The following TMEM41B variants were observed in gnomAD, a reference collection of about 807,000 sequenced individuals.
TMEM41B encodes protein stasimon.
Under a neutral mutation model 31.9 loss-of-function variants are expected in TMEM41B, and 18 were observed. The ratio of observed to expected loss-of-function variants is 0.56; its 90% CI spans 0.39 to 0.84. TMEM41B has a LOEUF of 0.84. Ranked by LOEUF, TMEM41B falls within the 40% of genes least tolerant of loss-of-function variation. The pLI is 0.00. For missense variants in TMEM41B, 322 were observed against 348.0 expected (o/e 0.93, Z 0.59); for synonymous variants, 144 against 124.3 (o/e 1.16, Z -1.05).
chr11:9,296,392 G>A (rs770026565), intron 2 of TMEM41B, among the ~76,000 whole-genome samples: 4 of 151,750 alleles, frequency 2.6e-5, no homozygotes, highest in African/African-American at 4.8e-5. Flanking sequence ...TTGGGAAGCC[G>A]AGGCGGGTGG....
rs561062233 is a variant in TMEM41B, at chr11:9,302,122, T to C, written c.122-2421A>G. 2.0e-5 allele frequency among the ~76,000 whole-genome samples: 2 copies of C among 98,798 alleles called. 1 individual carries two copies. The allele number at this position is 98,798 out of a possible 152,430, so 64.8% of individuals were successfully genotyped here. A position where few individuals can be genotyped will look rare whatever the true frequency, so the allele number is the denominator to read the frequency against. On this transcript the variant is annotated intron_variant, in intron 1 of 6. Transcript: ENST00000528080. ...CCCGGGTTCACGCCATTCTCCTGCC[T>C]CAGCCTCCCGAGTAGCTAGAACTAC...
chr11:9,287,379 A>G (rs1037092626), intron 5 of TMEM41B, among the ~76,000 whole-genome samples: 1 of 152,212 alleles, frequency 6.6e-6, no homozygotes, highest in African/African-American at 2.4e-5. Flanking sequence ...GATGCACACA[A>G]TACTGCATTA....
intron 1 of TMEM41B, chr11:9,311,150 G>A: frequency 3.8e-6 from 4 of 1,053,056 alleles, no homozygotes; most frequent in Non-Finnish European, 5.2e-6. Context: ...CTCAACAGCA[G>A]GGTGAAGCTC....
At chr11:9,290,780 G>GA (rs1362513392) in intron 3 of TMEM41B, among the ~76,000 whole-genome samples, 11 of 149,718 alleles carry the variant, frequency 7.3e-5, no homozygotes, top group Admixed American at 2.7e-4. Context: ...TGAAATTGGG[G>GA]AAAAAAAAAC....
intron 6 of TMEM41B, among the ~76,000 whole-genome samples, chr11:9,284,925 C>T (rs1852802375): frequency 6.6e-6 from 1 of 152,078 alleles, no homozygotes; most frequent in Non-Finnish European, 1.5e-5. Flanking sequence ...TTGGCCAAAG[C>T]TGAAATTAAC....
intron 1 of TMEM41B, among the ~76,000 whole-genome samples, chr11:9,310,914 G>A (rs1244013519): frequency 6.6e-6 from 1 of 151,902 alleles, no homozygotes; most frequent in Non-Finnish European, 1.5e-5. Context: ...AAAAGATAGA[G>A]GTTTTTCATC....
intron 1 of TMEM41B, among the ~76,000 whole-genome samples, chr11:9,313,208 G>A (rs941023617): frequency 1.3e-5 from 2 of 152,156 alleles, no homozygotes; most frequent in African/African-American, 4.8e-5. Flanking sequence ...TCATTTCTCA[G>A]TTTTTGAAAT....
At position 9,283,288 on chromosome 11, in the gene TMEM41B, TTAAC is replaced by T. The variant is rs1466596788; in HGVS notation, c.*132_*135del. On this transcript the variant is annotated 3_prime_UTR_variant, in exon 7 of 7. Transcript: ENST00000528080. ...CCCCTTGTCACTTAAATGTATTACT[TTAAC>T]TATCTGATAGGAAATTTTATTTTAC... The T allele has an allele frequency of 2.0e-5, 14 of 702,982 alleles. No homozygotes were observed. The highest frequency in any genetic ancestry group is 6.4e-5 in the South Asian group (3 of 46,692). The allele number at this position is 702,982 out of a possible 1,614,324, so 43.5% of individuals were successfully genotyped here. A position where few individuals can be genotyped will look rare whatever the true frequency, so the allele number is the denominator to read the frequency against.
At chr11:9,311,647 G>T in intron 1 of TMEM41B, 2 of 866,088 alleles carry the variant, frequency 2.3e-6, no homozygotes. Context: ...ATGTTGGGTG[G>T]ATATGGATTT....
At chr11:9,304,079 T>C (rs1307689353) in intron 1 of TMEM41B, among the ~76,000 whole-genome samples, 1 of 152,202 alleles carries the variant, frequency 6.6e-6, no homozygotes, top group African/African-American at 2.4e-5. Context: ...AGGATAATAA[T>C]ATAGTACAAA....
intron 1 of TMEM41B, chr11:9,311,599 G>T: frequency 9.6e-7 from 1 of 1,039,330 alleles, no homozygotes; most frequent in Non-Finnish European, 1.4e-6. Flanking sequence ...GGGTTGATAG[G>T]TGGTGAGTGG....
intron 3 of TMEM41B, among the ~76,000 whole-genome samples, chr11:9,288,814 AT>A (rs1189167854): frequency 6.6e-6 from 1 of 152,164 alleles, no homozygotes; most frequent in East Asian, 1.9e-4. Context: ...GTCTTCCGTA[AT>A]CTTTTAGTGC....
chr11:9,313,898 C>T (rs950832986), intron 1 of TMEM41B, among the ~76,000 whole-genome samples: 2 of 152,090 alleles, frequency 1.3e-5, no homozygotes, highest in Non-Finnish European at 2.9e-5. Flanking sequence ...AGTATTAAGT[C>T]CTCGCTCCTA....
intron 1 of TMEM41B, among the ~76,000 whole-genome samples, chr11:9,305,960 T>G (rs1490275031): frequency 6.6e-6 from 1 of 150,388 alleles, no homozygotes; most frequent in Non-Finnish European, 1.5e-5. Flanking sequence ...CATTTACAGC[T>G]ACTTACACCA....
At chr11:9,311,542 C>G (rs10840204) in intron 1 of TMEM41B, 554,058 of 1,261,192 alleles carry the variant, frequency 0.44, 125,539 homozygotes, top group East Asian at 0.51. Flanking sequence ...GCTGAATTGC[C>G]TTGCGGAGCT....
At chr11:9,286,376 T>G (rs757628796) in intron 6 of TMEM41B, 79 bp downstream of exon 6, 1 of 1,413,436 alleles carries the variant, frequency 7.1e-7, no homozygotes, top group Non-Finnish European at 9.5e-7. Flanking sequence ...GCAGAGAGCA[T>G]GCATGTAATC....
At position 9,282,156 on chromosome 11, in the gene TMEM41B, TAG is replaced by T. The variant is rs1852731250; in HGVS notation, c.*1266_*1267del. ...ACTTTGGGAGGTGGAAGTGGGCATA[TAG>T]CCTGAGGTCAGGAGTTCAAGACCAG... is the stretch of plus-strand genomic sequence containing the variant. On this transcript the variant is annotated 3_prime_UTR_variant, in exon 7 of 7. Transcript: ENST00000528080. 2.1e-4 allele frequency: 32 copies of T among 152,190 alleles called. No homozygotes were observed. The highest frequency in any genetic ancestry group is 6.7e-4 in the African/African-American group (28 of 41,486). The allele number at this position is 152,190 out of a possible 1,614,324, so 9.4% of individuals were successfully genotyped here. A position where few individuals can be genotyped will look rare whatever the true frequency, so the allele number is the denominator to read the frequency against.
In TMEM41B at chr11:9,283,364, G is replaced by A; in HGVS notation, c.*60C>T. On this transcript the variant is annotated 3_prime_UTR_variant, in exon 7 of 7. Coordinates refer to ENST00000528080, the MANE Select transcript of TMEM41B (RefSeq NM_015012.4). Reference sequence around the variant, plus strand: ...AAGAGGTGATTTTAAAACATAAATGGATGCACCTGTTAATCCTGAGATGGT... The same window carrying A: ...AAGAGGTGATTTTAAAACATAAATGAATGCACCTGTTAATCCTGAGATGGT... 1 of 1,319,828 alleles carries A rather than the reference G, an allele frequency of 7.6e-7. No individual in the cohort carries two copies. The highest frequency in any genetic ancestry group is 2.4e-5 in the East Asian group (1 of 41,338). The allele number at this position is 1,319,828 out of a possible 1,614,324, so 81.8% of individuals were successfully genotyped here.
At chr11:9,286,336 CA>C (rs2133609931) in intron 6 of TMEM41B, 118 bp downstream of exon 6, 1 of 1,073,804 alleles carries the variant, frequency 9.3e-7, no homozygotes, top group African/African-American at 1.6e-5. Flanking sequence ...GCTTTGTGCC[CA>C]AGAATTCTAG....
Sources: allele counts gnomAD v4.1 joint callset (sites outside exome capture counted in the v4.1 genomes callset), GRCh38; gene constraint gnomAD v4.1.1; transcripts MANE v1.5; gene names NCBI Gene and HGNC (gene_info 2026-07-23, HGNC 2026-07-21).